KCNH5: variants seen among roughly 807,000 people sequenced by gnomAD.
KCNH5 encodes voltage-gated delayed rectifier potassium channel KCNH5.
Under a neutral mutation model 96.1 loss-of-function variants are expected in KCNH5, and 46 were observed. The ratio of observed to expected loss-of-function variants is 0.48; its 90% CI spans 0.38 to 0.61. KCNH5 has a LOEUF of 0.61. KCNH5 is among the 20% of genes least tolerant of loss of function. The probability of loss-of-function intolerance (pLI) is 0.00; values close to 1 mark genes in which losing one functional copy is unlikely to be tolerated. For missense variants in KCNH5, 907 were observed against 1,225.8 expected, an observed-to-expected ratio of 0.74 and a Z score of 3.88; for synonymous variants, 439 against 449.8, an observed-to-expected ratio of 0.98 and a Z score of 0.30.
chr14:62,788,546 T>A (rs1595622769), intron 9 of KCNH5, among the ~76,000 whole-genome samples: 3 of 152,312 alleles, frequency 2.0e-5, no homozygotes, highest in Admixed American at 1.3e-4. Context: ...AGTTCTACTG[T>A]GACTAAAATG....
chr14:62,803,403 C>A (rs243144), intron 8 of KCNH5, among the ~76,000 whole-genome samples: 5,814 of 152,192 alleles, frequency 0.038, 148 homozygotes, highest in Non-Finnish European at 0.056. Flanking sequence ...ATATTTTTTT[C>A]ACTCTGAAGA....
At chr14:62,715,173 G>C (rs1209184876) in intron 10 of KCNH5, among the ~76,000 whole-genome samples, 2 of 152,098 alleles carry the variant, frequency 1.3e-5, no homozygotes, top group African/African-American at 4.8e-5. Context: ...TGAATAATTT[G>C]AATGTGTACT....
intron 4 of KCNH5, 111 bp from the exon 5 acceptor site, chr14:62,987,298 G>T: frequency 1.4e-6 from 1 of 727,538 alleles, no homozygotes; most frequent in Non-Finnish European, 2.4e-6. Flanking sequence ...CAAAATGAAT[G>T]CAAAGTATCA....
intron 7 of KCNH5, among the ~76,000 whole-genome samples, chr14:62,902,475 TTTTC>T (rs1222944307): frequency 6.6e-6 from 1 of 152,106 alleles, no homozygotes; most frequent in Non-Finnish European, 1.5e-5. Flanking sequence ...TAATAGTAGT[TTTTC>T]TTTCTTTTAT....
At chr14:62,862,209 T>C (rs150297656) in intron 7 of KCNH5, among the ~76,000 whole-genome samples, 1 of 152,196 alleles carries the variant, frequency 6.6e-6, no homozygotes, top group African/African-American at 2.4e-5. Flanking sequence ...ATTAGGATAA[T>C]ACTTAAAATA....
At chr14:63,013,672 G>T (rs1041098498) in intron 2 of KCNH5, among the ~76,000 whole-genome samples, 1 of 152,048 alleles carries the variant, frequency 6.6e-6, no homozygotes, top group African/African-American at 2.4e-5. Context: ...AAAAGAATTT[G>T]AGTCATGATG....
chr14:63,011,029 T>C (rs1184159547), intron 2 of KCNH5, among the ~76,000 whole-genome samples: 3 of 152,180 alleles, frequency 2.0e-5, no homozygotes, highest in Non-Finnish European at 4.4e-5. Flanking sequence ...GCAACACAGA[T>C]AGACTTAACG....
rs138915461 is a variant in KCNH5 at position 62,788,359 on chromosome 14, G to A, written c.1823-8435C>T. Among the ~76,000 whole-genome samples the A allele has an allele frequency of 9.0e-3, 1,370 of 152,258 alleles. 17 individuals carry two copies. Among genetic ancestry groups the A allele is most frequent in the African/African-American group, 0.031 (1,271 of 41,554 alleles). On this transcript the variant is annotated intron_variant, in intron 9 of 10. Coordinates refer to ENST00000322893, the MANE Select transcript of KCNH5 (RefSeq NM_139318.5). ...CAATCGCACTATAAAACCAACAGGTGAGAAGTTGCTACTTACGGATGAGCA... is the reference window on the plus strand; with the variant it reads ...CAATCGCACTATAAAACCAACAGGTAAGAAGTTGCTACTTACGGATGAGCA...
chr14:62,737,512 C>T (rs1222681296), intron 10 of KCNH5, among the ~76,000 whole-genome samples: 3 of 152,098 alleles, frequency 2.0e-5, no homozygotes, highest in Admixed American at 2.0e-4. Flanking sequence ...AGAAATCCAG[C>T]CTACCTCACA....
intron 10 of KCNH5, among the ~76,000 whole-genome samples, chr14:62,754,224 T>C (rs1377456960): frequency 6.6e-6 from 1 of 152,086 alleles, no homozygotes; most frequent in Non-Finnish European, 1.5e-5. Context: ...AGCTTCATGG[T>C]AACCTCAAAT....
At chr14:62,818,600 T>TCAAAATTA (rs1887048491) in intron 8 of KCNH5, among the ~76,000 whole-genome samples, 1 of 152,074 alleles carries the variant, frequency 6.6e-6, no homozygotes, top group African/African-American at 2.4e-5. Flanking sequence ...TACTCAAAAC[T>TCAAAATTA]CTTTGGTAAT....
At chr14:63,017,943 T>C (rs1891356464) in intron 1 of KCNH5, among the ~76,000 whole-genome samples, 2 of 116,954 alleles carry the variant, frequency 1.7e-5, no homozygotes, top group African/African-American at 7.1e-5. Context: ...AGTTGCTGTA[T>C]AAAAAACTGC....
chr14:62,827,283 A>G (rs1887246214), intron 8 of KCNH5, among the ~76,000 whole-genome samples: 1 of 152,106 alleles, frequency 6.6e-6, no homozygotes, highest in Admixed American at 6.6e-5. Context: ...TTACTTTGCT[A>G]CCCAAAGTAC....
rs917251431 is a variant in KCNH5, at chr14:62,752,871, T to C, written c.2019+26857A>G. 2.0e-5 allele frequency among the ~76,000 whole-genome samples: 3 copies of C among 152,326 alleles called. No homozygotes were observed. The East Asian group carries it at 5.8e-4, about 29-fold the overall frequency. ...CCTTCCACCATGATTGTAAGTTTCCTGAGGCCTTCCCAGTCATGCAGAACT... is the reference window on the plus strand; with the variant it reads ...CCTTCCACCATGATTGTAAGTTTCCCGAGGCCTTCCCAGTCATGCAGAACT... On this transcript the variant is annotated intron_variant, in intron 10 of 10. Coordinates refer to ENST00000322893, the MANE Select transcript of KCNH5 (RefSeq NM_139318.5).
intron 10 of KCNH5, among the ~76,000 whole-genome samples, chr14:62,748,576 A>G (rs1008242836): frequency 3.3e-5 from 5 of 152,046 alleles, no homozygotes; most frequent in African/African-American, 1.2e-4. Flanking sequence ...TTCCTTTACA[A>G]GAGGACCTTA....
rs1003911789 is a variant in KCNH5, at chr14:62,893,952, T to C, written c.1370-44100A>G. On this transcript the variant is annotated intron_variant, in intron 7 of 10. Transcript: ENST00000322893. ...AGCCACCTTAACCTTCAGCAATGAC[T>C]ACTCATCAGTCAGCAGCTATCTACG... 2.6e-5 allele frequency among the ~76,000 whole-genome samples: 4 copies of C among 152,330 alleles called. 1 individual carries two copies. Among genetic ancestry groups the C allele is most frequent in the South Asian group, 4.1e-4 (2 of 4,820 alleles).
intron 10 of KCNH5, chr14:62,712,469 A>G: frequency 5.0e-6 from 3 of 596,262 alleles, no homozygotes; most frequent in Non-Finnish European, 6.0e-6. Flanking sequence ...AGAGAAGCAA[A>G]TTGAGGCATA....
At chr14:62,716,419 C>T (rs186850087) in intron 10 of KCNH5, among the ~76,000 whole-genome samples, 92 of 152,314 alleles carry the variant, frequency 6.0e-4, no homozygotes, top group Middle Eastern at 3.4e-3. Flanking sequence ...AGTCAGCAAT[C>T]CAGCAGTGGT....
intron 9 of KCNH5, among the ~76,000 whole-genome samples, chr14:62,796,381 C>T (rs982036096): frequency 2.0e-5 from 3 of 152,158 alleles, no homozygotes; most frequent in African/African-American, 7.2e-5. Context: ...GACTCTCTTT[C>T]GTATTAAGTT....
Sources: allele counts gnomAD v4.1 joint callset (sites outside exome capture counted in the v4.1 genomes callset), GRCh38; gene constraint gnomAD v4.1.1; transcripts MANE v1.5; gene names NCBI Gene and HGNC (gene_info 2026-07-23, HGNC 2026-07-21).